FOXJ3: variants seen among roughly 807,000 people sequenced by gnomAD.
FOXJ3 encodes the protein forkhead box protein J3.
In FOXJ3, 22 loss-of-function variants were observed where a neutral mutation model predicts 76.1. That is an observed-to-expected ratio of 0.29 (90% CI 0.21 to 0.41). The LOEUF is 0.41. Ranked by LOEUF, FOXJ3 falls within the 10% of genes least tolerant of loss-of-function variation. The pLI, the probability that FOXJ3 is intolerant of heterozygous loss-of-function variation, is 1.00. For synonymous variants in FOXJ3, 269 were observed against 261.2 expected (o/e 1.03, Z -0.29); for missense variants, 613 against 762.1 (o/e 0.80, Z 2.30).
At chr1:42,223,076 T>C (rs1036642769) in intron 5 of FOXJ3, among the ~76,000 whole-genome samples, 9 of 152,230 alleles carry the variant, frequency 5.9e-5, no homozygotes, top group Non-Finnish European at 1.2e-4. Context: ...TTCTTCTTGG[T>C]ATGCACCACA....
intron 11 of FOXJ3, among the ~76,000 whole-genome samples, chr1:42,186,799 C>T (rs752583865): frequency 1.3e-5 from 2 of 152,134 alleles, no homozygotes; most frequent in Non-Finnish European, 2.9e-5. Context: ...TGAAATTCAC[C>T]AACATGAGAG....
At chr1:42,244,391 C>T (rs1256749755) in intron 4 of FOXJ3, among the ~76,000 whole-genome samples, 3 of 152,104 alleles carry the variant, frequency 2.0e-5, no homozygotes, top group Non-Finnish European at 4.4e-5. Flanking sequence ...TGACATCTGC[C>T]TATAGTCCCA....
chr1:42,190,768 C>A (rs752916251), intron 9 of FOXJ3, among the ~76,000 whole-genome samples: 2 of 152,178 alleles, frequency 1.3e-5, no homozygotes, highest in Admixed American at 6.5e-5. Flanking sequence ...GAAGAGGAGG[C>A]TCCTTTAATA....
At chr1:42,329,778 CG>C (rs1452789733) in intron 1 of FOXJ3, among the ~76,000 whole-genome samples, 3 of 152,178 alleles carry the variant, frequency 2.0e-5, no homozygotes, top group Non-Finnish European at 4.4e-5. Context: ...AAAAGAAATG[CG>C]GATGCGATGT....
chr1:42,265,586 G>A (rs964669307), intron 3 of FOXJ3, among the ~76,000 whole-genome samples: 2 of 152,172 alleles, frequency 1.3e-5, no homozygotes, highest in South Asian at 4.2e-4. Context: ...AAGCCAGAAT[G>A]CAAAATGTAA....
intron 4 of FOXJ3, among the ~76,000 whole-genome samples, chr1:42,248,824 A>T (rs945080778): frequency 7.2e-6 from 1 of 138,128 alleles, no homozygotes; most frequent in African/African-American, 2.8e-5. Context: ...ATGGTGGTTT[A>T]CTGCACCTAA....
chr1:42,182,075 C>T lies in FOXJ3; in HGVS notation c.1646-51G>A, dbSNP rs148292740. On this transcript the variant is annotated intron_variant, in intron 11 of 12. Transcript: ENST00000361346. ...GGAAAACATGTTACCACAAATAAAACAAATGGAGCACTAAAATCTTAACAG... is the reference window on the plus strand; with the variant it reads ...GGAAAACATGTTACCACAAATAAAATAAATGGAGCACTAAAATCTTAACAG... 52 of 980,896 alleles carry T rather than the reference C, an allele frequency of 5.3e-5. No homozygotes were observed. In the East Asian group the frequency reaches 9.6e-4, roughly 18 times the overall value. The allele number at this position is 980,896 out of a possible 1,614,324, so 60.8% of individuals were successfully genotyped here. A position where few individuals can be genotyped will look rare whatever the true frequency, so the allele number is the denominator to read the frequency against.
intron 1 of FOXJ3, among the ~76,000 whole-genome samples, chr1:42,315,718 T>A (rs1012013886): frequency 6.6e-6 from 1 of 152,240 alleles, no homozygotes; most frequent in African/African-American, 2.4e-5. Context: ...AAGGTTCACA[T>A]TGAAGTCAGG....
chr1:42,278,103 C>T (rs576809930), intron 3 of FOXJ3, among the ~76,000 whole-genome samples: 29 of 152,068 alleles, frequency 1.9e-4, no homozygotes, highest in Admixed American at 1.8e-3. Context: ...TTCCAGTGAA[C>T]GCTACATTAT....
In FOXJ3 at chr1:42,191,601, G is replaced by A. The variant is rs375376577; in HGVS notation, c.1053C>T (p.Asn351=). The change falls in exon 9 of 13, where the codon AAC becomes AAT. Residue 351 remains asparagine, a synonymous_variant. Transcript: ENST00000361346. ...TGGTGTTGAGGCCACTGCCATGACTGTTGGACAGGCTGCTTTGGTTGCTGT... is the reference window on the plus strand; with the variant it reads ...TGGTGTTGAGGCCACTGCCATGACTATTGGACAGGCTGCTTTGGTTGCTGT... ...HPHSNQSSLS[N]SHGSGLNTTG... is the part of the protein sequence containing the mutation. The A allele has an allele frequency of 3.7e-5, 59 of 1,614,204 alleles. No individual in the cohort carries two copies. In the African/African-American group the frequency reaches 7.1e-4, roughly 19 times the overall value.
In FOXJ3 at chr1:42,188,770, G is replaced by C; in HGVS notation, c.1612C>G (p.His538Asp). Residue 538 changes from histidine (H) to aspartate (D), a missense_variant, in exon 11 of 13, where the codon CAT becomes GAT. By Grantham distance (81) the His-to-Asp change is moderately conservative. Transcript: ENST00000361346. ...ATGTGTTGGGAAGGTTTTGTTGGAT[G>C]CATGGCACCATGACAAACATTTTGT... The part of the protein sequence containing the change: ...VQQNVCHGAM[H>D]PTKPSQHIGT... 1 of 1,609,696 alleles carries C rather than the reference G, an allele frequency of 6.2e-7. No homozygotes were observed. Among genetic ancestry groups the C allele is most frequent in the South Asian group, 1.1e-5 (1 of 90,444 alleles).
chr1:42,272,483 T>C (rs1445801704), intron 3 of FOXJ3, among the ~76,000 whole-genome samples: 11 of 152,212 alleles, frequency 7.2e-5, no homozygotes, highest in South Asian at 6.2e-4. Flanking sequence ...TACTTAAAAA[T>C]TGGGTAAAGG....
At chr1:42,281,815 T>C (rs1652735624) in intron 2 of FOXJ3, among the ~76,000 whole-genome samples, 1 of 152,100 alleles carries the variant, frequency 6.6e-6, no homozygotes, top group Non-Finnish European at 1.5e-5. Context: ...TCCCAACACT[T>C]TGGGAGGCCG....
intron 1 of FOXJ3, among the ~76,000 whole-genome samples, chr1:42,332,457 T>C (rs1200576440): frequency 1.3e-5 from 2 of 152,198 alleles, no homozygotes; most frequent in Non-Finnish European, 2.9e-5. Context: ...ATACAGTAAG[T>C]AAATGTTAGC....
intron 1 of FOXJ3, among the ~76,000 whole-genome samples, chr1:42,322,727 T>C (rs963432801): frequency 5.9e-5 from 9 of 152,062 alleles, no homozygotes; most frequent in East Asian, 3.9e-4. Context: ...GCTCTACTAA[T>C]AGGAAATCTC....
intron 8 of FOXJ3, among the ~76,000 whole-genome samples, chr1:42,193,178 A>C (rs1316677671): frequency 6.6e-6 from 1 of 152,122 alleles, no homozygotes; most frequent in Non-Finnish European, 1.5e-5. Flanking sequence ...TGGGGAAGGA[A>C]GCTTACTAGG....
At chr1:42,199,665 G>C (rs1032088727) in intron 6 of FOXJ3, among the ~76,000 whole-genome samples, 1 of 151,296 alleles carries the variant, frequency 6.6e-6, no homozygotes, top group Non-Finnish European at 1.5e-5. Context: ...AGGCATCACA[G>C]TATTTTTAAT....
intron 4 of FOXJ3, among the ~76,000 whole-genome samples, chr1:42,262,753 G>A (rs1329498133): frequency 6.6e-6 from 1 of 152,168 alleles, no homozygotes; most frequent in Non-Finnish European, 1.5e-5. Flanking sequence ...GGAGGCTGAG[G>A]CAGGAGAATT....
At chr1:42,288,359 T>C (rs934325674) in intron 2 of FOXJ3, among the ~76,000 whole-genome samples, 1 of 152,222 alleles carries the variant, frequency 6.6e-6, no homozygotes, top group African/African-American at 2.4e-5. Context: ...CTAATTTTGT[T>C]TCATTAAAGT....
Sources: allele counts gnomAD v4.1 joint callset (sites outside exome capture counted in the v4.1 genomes callset), GRCh38; gene constraint gnomAD v4.1.1; transcripts MANE v1.5; gene names NCBI Gene and HGNC (gene_info 2026-07-23, HGNC 2026-07-21).